Variants in IL15 observed in about 807,000 individuals in gnomAD.
IL15 encodes interleukin-15.
Under a neutral mutation model 19.6 loss-of-function variants are expected in IL15, and 11 were observed. The observed-to-expected ratio is 0.56, with a 90% confidence interval of 0.35 to 0.93. The LOEUF is 0.93. Among genes scored for constraint, IL15 ranks in the 40% least tolerant of loss-of-function variants. IL15 has a pLI of 0.01. For synonymous variants in IL15, 58 were observed against 59.6 expected (o/e 0.97, Z 0.12); for missense variants, 197 against 186.5 (o/e 1.06, Z -0.33).
At chr4:141,655,518 A>T (rs1011041895) in intron 1 of IL15, among the ~76,000 whole-genome samples, 56 of 152,250 alleles carry the variant, frequency 3.7e-4, no homozygotes, top group Middle Eastern at 3.4e-3. Flanking sequence ...CTGAAATTTG[A>T]TTAAGATGTT....
chr4:141,652,172 A>G (rs546893811), intron 1 of IL15, among the ~76,000 whole-genome samples: 1 of 152,298 alleles, frequency 6.6e-6, no homozygotes, highest in East Asian at 1.9e-4. Flanking sequence ...TTATAATAAT[A>G]GTTTTGATAA....
At chr4:141,683,670 G>A (rs1296837048) in intron 2 of IL15, among the ~76,000 whole-genome samples, 1 of 151,958 alleles carries the variant, frequency 6.6e-6, no homozygotes, top group Non-Finnish European at 1.5e-5. Flanking sequence ...AACAAGTCAT[G>A]TAATAACTTT....
At chr4:141,671,229 G>A (rs1456392000) in intron 2 of IL15, among the ~76,000 whole-genome samples, 1 of 152,070 alleles carries the variant, frequency 6.6e-6, no homozygotes, top group African/African-American at 2.4e-5. Context: ...TAAACCATTA[G>A]CTTTCATTTC....
chr4:141,688,235 C>T (rs985640983), intron 2 of IL15, among the ~76,000 whole-genome samples: 4 of 152,158 alleles, frequency 2.6e-5, no homozygotes, highest in African/African-American at 9.7e-5. Flanking sequence ...CGTATCCTCC[C>T]TTCCCTGACA....
chr4:141,697,944 T>C (rs1729157425), intron 2 of IL15, among the ~76,000 whole-genome samples: 1 of 152,066 alleles, frequency 6.6e-6, no homozygotes, highest in African/African-American at 2.4e-5. Context: ...CTCAATGCTT[T>C]TCCATTCAGT....
At chr4:141,693,161 G>A (rs748625417) in intron 2 of IL15, among the ~76,000 whole-genome samples, 6 of 151,984 alleles carry the variant, frequency 3.9e-5, no homozygotes, top group Admixed American at 1.3e-4. Flanking sequence ...GGGGAAGCAG[G>A]CACCCTCTTC....
At chr4:141,649,372 A>C (rs1727330736) in intron 1 of IL15, among the ~76,000 whole-genome samples, 1 of 152,186 alleles carries the variant, frequency 6.6e-6, no homozygotes, top group Non-Finnish European at 1.5e-5. Context: ...CCCACTTTTC[A>C]GATAAGTAAA....
At chr4:141,645,983 A>G (rs1045988688) in intron 1 of IL15, among the ~76,000 whole-genome samples, 4 of 152,048 alleles carry the variant, frequency 2.6e-5, no homozygotes, top group African/African-American at 9.7e-5. Flanking sequence ...AGGCTTGGAT[A>G]TGGAATTTCC....
intron 2 of IL15, among the ~76,000 whole-genome samples, chr4:141,682,637 A>G (rs1728569799): frequency 6.6e-6 from 1 of 152,074 alleles, no homozygotes; most frequent in Admixed American, 6.6e-5. Context: ...TACACACACA[A>G]TGGAAAGCCA....
chr4:141,685,958 C>T (rs1377290732), intron 2 of IL15, among the ~76,000 whole-genome samples: 7 of 152,050 alleles, frequency 4.6e-5, no homozygotes, highest in Non-Finnish European at 7.4e-5. Context: ...CTCTCTTAAA[C>T]CTGTTTGATA....
intron 2 of IL15, among the ~76,000 whole-genome samples, chr4:141,705,797 TATTGA>T (rs149870052): frequency 0.11 from 16,709 of 152,024 alleles, 982 homozygotes; most frequent in Non-Finnish European, 0.14. Flanking sequence ...TACATCCTCT[TATTGA>T]ATTGATTTCT....
chr4:141,678,187 T>G (rs1728413924), intron 2 of IL15, among the ~76,000 whole-genome samples: 1 of 152,184 alleles, frequency 6.6e-6, no homozygotes, highest in Non-Finnish European at 1.5e-5. Flanking sequence ...AATGCATACG[T>G]TAGGTTTTGT....
chr4:141,693,515 C>G (rs1420942359), intron 2 of IL15, among the ~76,000 whole-genome samples: 4 of 152,024 alleles, frequency 2.6e-5, no homozygotes, highest in Non-Finnish European at 5.9e-5. Flanking sequence ...CTAATAGGTC[C>G]CTAAATCTCT....
chr4:141,675,119 T>C (rs1388511794), intron 2 of IL15, among the ~76,000 whole-genome samples: 1 of 151,766 alleles, frequency 6.6e-6, no homozygotes, highest in Non-Finnish European at 1.5e-5. Flanking sequence ...AATAATTATA[T>C]TGGGATTCTT....
chr4:141,643,335 T>C (rs1727116598), intron 1 of IL15, among the ~76,000 whole-genome samples: 1 of 152,314 alleles, frequency 6.6e-6, no homozygotes, highest in Middle Eastern at 3.4e-3. Flanking sequence ...ATCTGCTTTT[T>C]TCTGCCCACA....
intron 2 of IL15, among the ~76,000 whole-genome samples, chr4:141,662,602 T>C (rs1727830783): frequency 6.6e-6 from 1 of 152,240 alleles, no homozygotes; most frequent in Non-Finnish European, 1.5e-5. Flanking sequence ...AGCTGTGTTC[T>C]TTGTTACTGT....
At chr4:141,707,714 A>G (rs1019836650) in intron 2 of IL15, among the ~76,000 whole-genome samples, 2 of 151,844 alleles carry the variant, frequency 1.3e-5, no homozygotes, top group African/African-American at 2.4e-5. Flanking sequence ...AGAGCTTTTG[A>G]GGTAGTGGCA....
chr4:141,722,567 A>T (rs1560938034), intron 5 of IL15, among the ~76,000 whole-genome samples: 1 of 152,194 alleles, frequency 6.6e-6, no homozygotes, highest in Non-Finnish European at 1.5e-5. Flanking sequence ...TTAAAATAGA[A>T]GATTTAAATA....
At chr4:141,710,493 A>G (rs1420217434) in intron 2 of IL15, among the ~76,000 whole-genome samples, 2 of 151,982 alleles carry the variant, frequency 1.3e-5, no homozygotes, top group Non-Finnish European at 1.5e-5. Context: ...TTATAAACTC[A>G]TTTTAAAATT....
Sources: gnomAD v4.1 joint callset for allele counts (sites outside exome capture counted in the v4.1 genomes callset) on GRCh38, gnomAD v4.1.1 for gene constraint, MANE v1.5 for transcripts, NCBI Gene and HGNC (gene_info 2026-07-23, HGNC 2026-07-21) for gene names.